USP35: variants seen among roughly 807,000 people sequenced by gnomAD.
USP35 encodes ubiquitin carboxyl-terminal hydrolase 35.
USP35 carries 69 observed loss-of-function variants against 83.8 expected under a neutral mutation model. The ratio of observed to expected loss-of-function variants is 0.82; its 90% CI spans 0.68 to 1.01. The LOEUF (loss-of-function observed/expected upper bound fraction) is 1.01, where lower values mean the gene tolerates loss of function less well. Among genes scored for constraint, USP35 ranks in the 50% least tolerant of loss-of-function variants. The probability of loss-of-function intolerance (pLI) is 0.00; values close to 1 mark genes in which losing one functional copy is unlikely to be tolerated. For synonymous variants in USP35, 714 were observed against 589.5 expected, an observed-to-expected ratio of 1.21 and a Z score of -3.06; for missense variants, 1,503 against 1,362.5, an observed-to-expected ratio of 1.10 and a Z score of -1.62.
At chr11:78,197,700 T>TG (rs139284109) in intron 2 of USP35, among the ~76,000 whole-genome samples, 4,599 of 152,266 alleles carry the variant, frequency 0.03, 90 homozygotes, top group Non-Finnish European at 0.049. Flanking sequence ...AACCCACTCT[T>TG]GATCAGTGCT....
intron 7 of USP35, among the ~76,000 whole-genome samples, chr11:78,206,717 G>A (rs1474412821): frequency 6.6e-6 from 1 of 152,206 alleles, no homozygotes; most frequent in Non-Finnish European, 1.5e-5. Flanking sequence ...AAACGGTCAC[G>A]TGCTTGTATG....
rs78026722 is a variant in USP35 at position 78,204,238 on chromosome 11, C to G, written c.1198-1604C>G. ...AGATGGCTTCACATTTGTTCTGTGG[C>G]TTCGAACACTCCTGGTACAAGCCAG... On this transcript the variant is annotated intron_variant, in intron 6 of 10. Coordinates refer to ENST00000529308, the MANE Select transcript of USP35 (RefSeq NM_020798.4). Among the ~76,000 whole-genome samples the G allele has an allele frequency of 4.7e-4, 72 of 152,284 alleles. 1 individual carries two copies. The East Asian group carries it at 0.013, about 28-fold the overall frequency.
chr11:78,214,817 A>C lies in USP35; in HGVS notation c.*1004A>C, dbSNP rs935268451. On this transcript the variant is annotated 3_prime_UTR_variant, in exon 11 of 11. Coordinates refer to ENST00000529308, the MANE Select transcript of USP35 (RefSeq NM_020798.4). ...GCCCCCCAGTGACGTGTGAGATGCC[A>C]CAGGGAGCCAAGAGCCCTCTACTGA... The C allele has an allele frequency of 6.7e-6, 1 of 148,756 alleles. No individual in the cohort carries two copies. Among genetic ancestry groups the C allele is most frequent in the Non-Finnish European group, 1.5e-5 (1 of 67,754 alleles). The allele number at this position is 148,756 out of a possible 1,614,324, so 9.2% of individuals were successfully genotyped here. A position where few individuals can be genotyped will look rare whatever the true frequency, so the allele number is the denominator to read the frequency against.
downstream of USP35, chr11:78,219,429 G>A (rs772994383): frequency 2.5e-6 from 4 of 1,613,306 alleles, no homozygotes; most frequent in Admixed American, 3.3e-5. Context: ...AGGGGACAGA[G>A]TGGGAAAGAG....
chr11:78,208,468 C>T (rs1863605485), intron 8 of USP35, among the ~76,000 whole-genome samples: 1 of 152,160 alleles, frequency 6.6e-6, no homozygotes, highest in Non-Finnish European at 1.5e-5. Context: ...TAATCCCTCC[C>T]TGGCTCATGG....
intron 1 of USP35, among the ~76,000 whole-genome samples, chr11:78,193,850 A>G (rs1025665136): frequency 3.9e-5 from 6 of 152,122 alleles, no homozygotes; most frequent in African/African-American, 7.2e-5. Context: ...TCTTTTTTTG[A>G]GACAGGGTCT....
At chr11:78,231,848 T>A in the USP35 span, 4 of 152,258 alleles carry the variant, frequency 2.6e-5, no homozygotes, top group Non-Finnish European at 5.9e-5. Flanking sequence ...AAGGGTGACT[T>A]AATATAAAAT....
In USP35 at chr11:78,196,618, C is replaced by A; in HGVS notation, c.373C>A (p.Arg125=). The change falls in exon 2 of 11, where the codon CGG becomes AGG. Residue 125 remains arginine (R), a synonymous_variant. Transcript: ENST00000529308. This position sits in a 1 kb window ranked among gnomAD's most constrained non-coding sequence, Gnocchi z 4.8. ...GGCCGACGAGGTGTTCGCGCTGCTG[C>A]GGCGCGAGGTGCTGCGCACCGTGTG... ...PAADEVFALL[R]REVLRTVCER... 1 of 1,293,538 alleles carries A rather than the reference C, an allele frequency of 7.7e-7. No homozygotes were observed. Among genetic ancestry groups the A allele is most frequent in the Non-Finnish European group, 9.8e-7 (1 of 1,023,826 alleles). 80.1% of individuals were successfully genotyped at this position (1,293,538 alleles called of 1,614,324 possible). A position where few individuals can be genotyped will look rare whatever the true frequency, so the allele number is the denominator to read the frequency against.
chr11:78,211,921 C>T (rs1229946987), intron 10 of USP35, among the ~76,000 whole-genome samples: 1 of 152,106 alleles, frequency 6.6e-6, no homozygotes, highest in East Asian at 1.9e-4. Flanking sequence ...GTTCCTTGTA[C>T]TCCGCATAAG....
At position 78,191,841 on chromosome 11, in the gene USP35, C is replaced by CTTT. The variant is rs1215811595; in HGVS notation, c.-11+2702_-11+2704dup. On this transcript the variant is annotated intron_variant, in intron 1 of 10. Transcript: ENST00000529308. The stretch of plus-strand genomic sequence containing the variant: ...AGACTCATGACAGCCCGGCCCTCAT[C>CTTT]TTTTTTTTTTTTTTTTTTTTGAGAC... Among the ~76,000 whole-genome samples the CTTT allele has an allele frequency of 3.7e-4, 50 of 133,468 alleles. 1 individual carries two copies. The highest frequency in any genetic ancestry group is 1.2e-3 in the African/African-American group (43 of 35,832). The allele number at this position is 133,468 out of a possible 152,430, so 87.6% of individuals were successfully genotyped here. A position where few individuals can be genotyped will look rare whatever the true frequency, so the allele number is the denominator to read the frequency against.
intron 3 of USP35, chr11:78,199,318 C>T: frequency 2.5e-6 from 1 of 394,102 alleles, no homozygotes. Context: ...AAGCCTTGTT[C>T]TGGCATTGCA....
At chr11:78,219,239 T>C (rs2134448512), downstream of USP35, 1 of 1,605,120 alleles carries the variant, frequency 6.2e-7, no homozygotes, top group Non-Finnish European at 8.5e-7. Context: ...GCTCTGGAGA[T>C]GCTGCCTCCT....
chr11:78,214,377 T>TGGG lies in USP35; in HGVS notation c.*564_*565insGGG, dbSNP rs139748612. 0.37 allele frequency: 19,519 copies of TGGG among 52,412 alleles called. 5,671 individuals are homozygous for TGGG. The highest frequency in any genetic ancestry group is 0.58 in the Middle Eastern group (63 of 108). The allele number at this position is 52,412 out of a possible 1,614,324, so 3.2% of individuals were successfully genotyped here. On this transcript the variant is annotated 3_prime_UTR_variant, in exon 11 of 11. Transcript: ENST00000529308. ...CCTTACCAAGCGCCACTGCATGGTT[T>TGGG]TGGGGGGGGGGGCGGGGGGCTAGCT...
intron 6 of USP35, among the ~76,000 whole-genome samples, chr11:78,204,773 T>C (rs1212128495): frequency 6.6e-6 from 1 of 152,248 alleles, no homozygotes; most frequent in Non-Finnish European, 1.5e-5. Context: ...TATGTGTGTG[T>C]GTTTTTAAAT....
the USP35 span, among the ~76,000 whole-genome samples, chr11:78,233,773 A>AT: frequency 6.6e-6 from 1 of 151,994 alleles, no homozygotes. Context: ...CGCCTGTCTA[A>AT]TTTTTGTATT....
rs201050088 is a variant in USP35 at position 78,210,472 on chromosome 11, C to T, written c.2617C>T (p.Arg873Cys). Reference protein sequence around the residue: ...YYCYAREGAARPAASLGTADR... With the variant: ...YYCYAREGAACPAASLGTADR... ...CTGCTATGCCCGTGAGGGCGCTGCCCGCCCTGCCGCTTCTCTGGGAACTGC... is the reference window on the plus strand; with the variant it reads ...CTGCTATGCCCGTGAGGGCGCTGCCTGCCCTGCCGCTTCTCTGGGAACTGC... Residue 873 changes from arginine to cysteine, a missense_variant, in exon 10 of 11, where the codon CGC (arginine) becomes TGC (cysteine). Arg to Cys is a radical substitution (Grantham distance 180). Coordinates refer to ENST00000529308, the MANE Select transcript of USP35 (RefSeq NM_020798.4). The T allele has an allele frequency of 4.0e-5, 64 of 1,614,226 alleles. No homozygotes were observed. The highest frequency in any genetic ancestry group is 1.6e-4 in the Middle Eastern group (1 of 6,062).
chr11:78,219,528 C>G, downstream of USP35: 1 of 944,924 alleles, frequency 1.1e-6, no homozygotes, highest in Non-Finnish European at 1.7e-6. Flanking sequence ...AGAGCATGGC[C>G]TCTGCCTGCC....
Position 78,210,509 on chromosome 11 carries a change from A to T in USP35, c.2654A>T (p.Glu885Val). 1 of 1,614,082 alleles carries T rather than the reference A, an allele frequency of 6.2e-7. No homozygotes were observed. Among genetic ancestry groups the T allele is most frequent in the Non-Finnish European group, 8.5e-7 (1 of 1,179,892 alleles). The stretch of plus-strand genomic sequence containing the variant: ...TCTCTGGGAACTGCCGATAGGCCAG[A>T]GCCCGAGAACCAGTGGTACCTGTTC... ...AASLGTADRPEPENQWYLFND... is the reference protein window; with the variant it reads ...AASLGTADRPVPENQWYLFND... Residue 885 changes from glutamate to valine, a missense_variant, in exon 10 of 11, where the codon GAG (glutamate) becomes GTG (valine). Coordinates refer to ENST00000529308, the MANE Select transcript of USP35 (RefSeq NM_020798.4).
At chr11:78,213,569 GTGT>G in intron 10 of USP35, 74 bp from the exon 11 acceptor site, 3 of 1,400,784 alleles carry the variant, frequency 2.1e-6, no homozygotes, top group Non-Finnish European at 2.8e-6. Context: ...ACATTGAAAG[GTGT>G]TGTGCTGGGT....
Sources: allele counts gnomAD v4.1 joint callset (sites outside exome capture counted in the v4.1 genomes callset), GRCh38; gene constraint gnomAD v4.1.1; non-coding constraint Gnocchi (gnomAD v3.1); transcripts MANE v1.5; gene names NCBI Gene and HGNC (gene_info 2026-07-23, HGNC 2026-07-21).